CLVS1: variants seen among roughly 807,000 people sequenced by gnomAD.
CLVS1 encodes the protein clavesin-1.
A neutral mutation model predicts 33.1 loss-of-function variants in CLVS1; 10 were observed. The observed-to-expected ratio is 0.30, with a 90% CI of 0.19 to 0.51. The LOEUF (loss-of-function observed/expected upper bound fraction) is 0.51, where lower values mean the gene tolerates loss of function less well. CLVS1 is among the 20% of genes least tolerant of loss of function. The pLI, the probability that CLVS1 is intolerant of heterozygous loss-of-function variation, is 0.97. For missense variants in CLVS1, 343 were observed against 433.4 expected (o/e 0.79, Z 1.85); for synonymous variants, 163 against 166.1 (o/e 0.98, Z 0.14).
intron 2 of CLVS1, among the ~76,000 whole-genome samples, chr8:61,133,572 C>T (rs1414032559): frequency 6.6e-6 from 1 of 152,142 alleles, no homozygotes; most frequent in African/African-American, 2.4e-5. Flanking sequence ...GAGAAGTCAT[C>T]CTGTGAATGA....
At chr8:60,970,737 T>A in the CLVS1 span, among the ~76,000 whole-genome samples, 1 of 152,212 alleles carries the variant, frequency 6.6e-6, no homozygotes, top group African/African-American at 2.4e-5. Context: ...TGCTGTGAAC[T>A]TTCATGATGA....
At chr8:61,267,880 C>T (rs1467345595) in intron 2 of CLVS1, among the ~76,000 whole-genome samples, 1 of 152,182 alleles carries the variant, frequency 6.6e-6, no homozygotes, top group Non-Finnish European at 1.5e-5. Flanking sequence ...ATTCAGCTCA[C>T]TGCTATTAAG....
At chr8:61,113,523 T>C (rs1805666255) in intron 1 of CLVS1, among the ~76,000 whole-genome samples, 1 of 152,224 alleles carries the variant, frequency 6.6e-6, no homozygotes, top group Admixed American at 6.5e-5. Context: ...TGCAGGAAGC[T>C]GGCTTCTTGT....
the CLVS1 span, among the ~76,000 whole-genome samples, chr8:61,020,004 A>T: frequency 6.6e-6 from 1 of 152,232 alleles, no homozygotes; most frequent in Admixed American, 6.5e-5. Flanking sequence ...GCCAACAATG[A>T]ATGGCCTGGA....
chr8:61,107,146 G>T (rs965676433), intron 1 of CLVS1, among the ~76,000 whole-genome samples: 2 of 152,206 alleles, frequency 1.3e-5, no homozygotes, highest in Admixed American at 1.3e-4. Context: ...CACAAACCAG[G>T]ACAATTTGAA....
At position 61,255,055 on chromosome 8, in the gene CLVS1, CT is replaced by C. The variant is rs1460187808; in HGVS notation, c.-151-44621del. The stretch of plus-strand genomic sequence containing the variant: ...ATTCGGCCATCTTGGCTTCACCCCC[CT>C]ATTTGTGGTTTTTTGTATATTTTTT... On this transcript the variant is annotated intron_variant, in intron 2 of 2. Coordinates refer to the CLVS1 transcript ENST00000522621. Among the ~76,000 whole-genome samples the C allele has an allele frequency of 6.6e-5, 10 of 152,256 alleles. No individual in the cohort carries two copies. The South Asian group carries it at 1.7e-3, about 25-fold the overall frequency.
chr8:61,352,299 A>G (rs1174194980), intron 2 of CLVS1, among the ~76,000 whole-genome samples: 1 of 152,072 alleles, frequency 6.6e-6, no homozygotes, highest in Admixed American at 6.6e-5. Flanking sequence ...AAGTCAAGAC[A>G]GAATCCTAAG....
At chr8:61,250,708 G>T (rs774695205) in intron 2 of CLVS1, among the ~76,000 whole-genome samples, 1 of 151,996 alleles carries the variant, frequency 6.6e-6, no homozygotes, top group Non-Finnish European at 1.5e-5. Context: ...TCATGATTTG[G>T]CTCTCTGTTT....
chr8:61,407,603 G>A (rs1297358202), intron 3 of CLVS1, among the ~76,000 whole-genome samples: 1 of 152,128 alleles, frequency 6.6e-6, no homozygotes, highest in Non-Finnish European at 1.5e-5. Context: ...ATTATTGGAG[G>A]AAAAATAGAT....
At chr8:61,090,645 C>A (rs1339797474) in intron 1 of CLVS1, among the ~76,000 whole-genome samples, 1 of 152,134 alleles carries the variant, frequency 6.6e-6, no homozygotes. Context: ...TGGTGGGGAC[C>A]AGAGACTCCT....
intron 2 of CLVS1, among the ~76,000 whole-genome samples, chr8:61,280,797 T>C (rs534721616): frequency 6.6e-6 from 1 of 152,298 alleles, no homozygotes; most frequent in African/African-American, 2.4e-5. Context: ...TTATTTTTTT[T>C]GTGTATTTTT....
Position 61,165,923 on chromosome 8 carries a change from C to G in CLVS1, c.-152+34063C>G, listed in dbSNP as rs369182341. ...CTGATTTTCCATCAATGGAAACATA[C>G]ATGTTATCAGCCTTTTGTGTGCATG... On this transcript the variant is annotated intron_variant, in intron 2 of 2. Transcript: ENST00000522621. Among the ~76,000 whole-genome samples the G allele has an allele frequency of 2.6e-5, 4 of 152,006 alleles. No individual in the cohort carries two copies. In the South Asian group the frequency reaches 8.3e-4, roughly 32 times the overall value.
the CLVS1 span, among the ~76,000 whole-genome samples, chr8:61,044,341 A>G: frequency 9.8e-5 from 15 of 152,320 alleles, no homozygotes; most frequent in African/African-American, 2.9e-4. Context: ...GAACATCCAA[A>G]CACGTAATAT....
At chr8:61,372,255 C>A (rs764851847) in intron 2 of CLVS1, among the ~76,000 whole-genome samples, 7 of 152,070 alleles carry the variant, frequency 4.6e-5, no homozygotes, top group South Asian at 2.1e-4. Flanking sequence ...AATGAAGAAA[C>A]TCTAGAAATG....
At chr8:61,475,313 T>C (rs984594880) in intron 5 of CLVS1, among the ~76,000 whole-genome samples, 1 of 152,228 alleles carries the variant, frequency 6.6e-6, no homozygotes, top group Admixed American at 6.5e-5. Flanking sequence ...ATATACCCAG[T>C]AATGGGATGG....
At chr8:60,993,261 CCT>C in the CLVS1 span, among the ~76,000 whole-genome samples, 1 of 152,244 alleles carries the variant, frequency 6.6e-6, no homozygotes, top group Non-Finnish European at 1.5e-5. Flanking sequence ...AGACTTTCAG[CCT>C]CTCCCCACCC....
chr8:61,276,449 G>T (rs1426718726), intron 2 of CLVS1, among the ~76,000 whole-genome samples: 1 of 152,214 alleles, frequency 6.6e-6, no homozygotes, highest in Non-Finnish European at 1.5e-5. Context: ...TTGCATTCAT[G>T]CACCAGTAAA....
At chr8:61,365,946 A>G (rs1585866621) in intron 2 of CLVS1, among the ~76,000 whole-genome samples, 1 of 152,084 alleles carries the variant, frequency 6.6e-6, no homozygotes, top group Non-Finnish European at 1.5e-5. Flanking sequence ...AAGTGCTTAA[A>G]CCAATGCTAA....
intron 1 of CLVS1, among the ~76,000 whole-genome samples, chr8:61,079,909 A>C (rs1376747155): frequency 6.6e-6 from 1 of 152,242 alleles, no homozygotes; most frequent in Non-Finnish European, 1.5e-5. Flanking sequence ...TCACAATAAA[A>C]AGAAGTCAGT....
Sources: gnomAD v4.1 joint callset for allele counts (sites outside exome capture counted in the v4.1 genomes callset) on GRCh38, gnomAD v4.1.1 for gene constraint, MANE v1.5 for transcripts, NCBI Gene and HGNC (gene_info 2026-07-23, HGNC 2026-07-21) for gene names.